The following PPP2R3A variants were observed in gnomAD, a reference collection of about 807,000 sequenced individuals.
PPP2R3A encodes the protein protein phosphatase 2 regulatory subunit B''alpha, also known as serine/threonine-protein phosphatase 2A regulatory subunit B'' subunit alpha.
PPP2R3A carries 80 observed loss-of-function variants against 106.9 expected under a neutral mutation model. The observed-to-expected ratio is 0.75, with a 90% confidence interval of 0.62 to 0.90. The LOEUF (loss-of-function observed/expected upper bound fraction) is 0.90, where lower values mean the gene tolerates loss of function less well. Among genes scored for constraint, PPP2R3A ranks in the 40% least tolerant of loss-of-function variants. PPP2R3A has a pLI of 0.00. For missense variants in PPP2R3A, 1,386 were observed against 1,350.4 expected (o/e 1.03, Z -0.41); for synonymous variants, 483 against 468.3 (o/e 1.03, Z -0.41).
intron 3 of PPP2R3A, among the ~76,000 whole-genome samples, chr3:136,035,082 C>G (rs904942233): frequency 5.3e-5 from 8 of 152,140 alleles, no homozygotes; most frequent in African/African-American, 1.9e-4. Context: ...TTTTCCACTC[C>G]TTTACCTTAA....
At chr3:136,071,026 C>T (rs775052354) in intron 6 of PPP2R3A, among the ~76,000 whole-genome samples, 4 of 152,230 alleles carry the variant, frequency 2.6e-5, no homozygotes, top group Non-Finnish European at 5.9e-5. Flanking sequence ...GAGGAGCTCG[C>T]ACTCCCTGTT....
chr3:136,119,146 G>A (rs1452154247), intron 13 of PPP2R3A, among the ~76,000 whole-genome samples: 1 of 152,212 alleles, frequency 6.6e-6, no homozygotes. Flanking sequence ...AATAAATGGT[G>A]TTGGGAAAAC....
intron 2 of PPP2R3A, among the ~76,000 whole-genome samples, chr3:136,010,718 G>A (rs769062204): frequency 6.6e-6 from 1 of 152,062 alleles, no homozygotes; most frequent in Non-Finnish European, 1.5e-5. Flanking sequence ...GAGCCACCGC[G>A]CCCATCCCCA....
At chr3:136,113,167 C>T (rs113641081) in intron 13 of PPP2R3A, among the ~76,000 whole-genome samples, 6,744 of 144,234 alleles carry the variant, frequency 0.047, 518 homozygotes, top group African/African-American at 0.16. Context: ...GCCAGAGCAA[C>T]CCAAAGCAAA....
At chr3:136,005,750 C>T (rs1933820863) in intron 2 of PPP2R3A, among the ~76,000 whole-genome samples, 1 of 152,086 alleles carries the variant, frequency 6.6e-6, no homozygotes, top group Non-Finnish European at 1.5e-5. Flanking sequence ...GTCATAAGAG[C>T]TACCAGTTAT....
chr3:136,106,469 A>C, intron 13 of PPP2R3A, 147 bp downstream of exon 13: 2 of 664,322 alleles, frequency 3.0e-6, no homozygotes, highest in South Asian at 1.9e-5. Flanking sequence ...TTAAATGATT[A>C]TTTTTTCCAG....
intron 13 of PPP2R3A, among the ~76,000 whole-genome samples, chr3:136,112,455 T>A (rs1937607367): frequency 6.6e-6 from 1 of 152,036 alleles, no homozygotes; most frequent in Non-Finnish European, 1.5e-5. Context: ...GGATACAAAA[T>A]CAGTGTACAA....
intron 2 of PPP2R3A, among the ~76,000 whole-genome samples, chr3:136,022,299 T>C (rs901564124): frequency 6.6e-6 from 1 of 152,150 alleles, no homozygotes; most frequent in Admixed American, 6.6e-5. Flanking sequence ...TTTTCAAATA[T>C]GTTCATCATC....
In PPP2R3A at chr3:136,009,602, A is replaced by AT. The variant is rs1338150636; in HGVS notation, c.1995+6110dup. Among the ~76,000 whole-genome samples the AT allele has an allele frequency of 2.6e-5, 4 of 152,178 alleles. No homozygotes were observed. The East Asian group carries it at 7.8e-4, about 30-fold the overall frequency. ...GTTTTAAGAGTATGGTTCCCAACTAATACTGTTAGCATTACCTGGACACTT... is the reference window on the plus strand; with the variant it reads ...GTTTTAAGAGTATGGTTCCCAACTAATTACTGTTAGCATTACCTGGACACTT... On this transcript the variant is annotated intron_variant, in intron 2 of 13. Transcript: ENST00000264977.
intron 13 of PPP2R3A, among the ~76,000 whole-genome samples, chr3:136,133,419 A>C (rs1938495540): frequency 6.6e-6 from 1 of 152,184 alleles, no homozygotes; most frequent in African/African-American, 2.4e-5. Flanking sequence ...GGAAATTGCA[A>C]ATTAAAACCT....
chr3:136,021,173 T>C (rs1367536980), intron 2 of PPP2R3A, among the ~76,000 whole-genome samples: 1 of 152,050 alleles, frequency 6.6e-6, no homozygotes, highest in Non-Finnish European at 1.5e-5. Flanking sequence ...TGACATTTTA[T>C]TTAGGAGATA....
In PPP2R3A at chr3:136,106,216, G is replaced by A. The variant is rs1937513528; in HGVS notation, c.3223G>A (p.Asp1075Asn). 1 of 1,599,606 alleles carries A rather than the reference G, an allele frequency of 6.3e-7. No individual in the cohort carries two copies. The highest frequency in any genetic ancestry group is 1.1e-5 in the South Asian group (1 of 88,570). ...TCGTGGCTGTCTTCTTTCCAATCAG[G>A]ATGTTGAGAACGATGGGCCTGAGCC... ...EQRDPFAVQK[D>N]VENDGPEPSD... Residue 1075 changes from aspartate to asparagine, a missense_variant and splice_region_variant, in exon 13 of 14, where the codon GAT (aspartate) becomes AAT (asparagine). By Grantham distance (23) the Asp-to-Asn change is conservative. Transcript: ENST00000264977.
intron 10 of PPP2R3A, among the ~76,000 whole-genome samples, chr3:136,098,014 C>T (rs1937256046): frequency 6.6e-6 from 1 of 152,240 alleles, no homozygotes; most frequent in African/African-American, 2.4e-5. Flanking sequence ...TATTACCTCA[C>T]ATTCATTAGG....
chr3:136,023,644 TA>T (rs1409394467), intron 2 of PPP2R3A, among the ~76,000 whole-genome samples: 1 of 152,150 alleles, frequency 6.6e-6, no homozygotes, highest in African/African-American at 2.4e-5. Flanking sequence ...AATGTTTGTT[TA>T]AAAAGTATGT....
chr3:136,065,359 G>T (rs1936233038), intron 5 of PPP2R3A, among the ~76,000 whole-genome samples: 1 of 152,152 alleles, frequency 6.6e-6, no homozygotes, highest in South Asian at 2.1e-4. Context: ...GGAAAGAAGT[G>T]GGGCTAAAGA....
chr3:135,991,252 T>C (rs1175222124), intron 1 of PPP2R3A, among the ~76,000 whole-genome samples: 1 of 152,190 alleles, frequency 6.6e-6, no homozygotes, highest in Non-Finnish European at 1.5e-5. Context: ...CTCAAATGTT[T>C]ATTAAACTGT....
chr3:136,071,671 T>C (rs1936433813), intron 6 of PPP2R3A, among the ~76,000 whole-genome samples: 1 of 152,168 alleles, frequency 6.6e-6, no homozygotes, highest in Non-Finnish European at 1.5e-5. Context: ...ATGTCACTCC[T>C]CTGCTCAAAC....
intron 13 of PPP2R3A, among the ~76,000 whole-genome samples, chr3:136,115,229 G>C (rs540146957): frequency 6.6e-6 from 1 of 151,524 alleles, no homozygotes; most frequent in South Asian, 2.1e-4. Context: ...TCTACTCAGA[G>C]ACCCCATCCA....
rs372030075 is a variant in PPP2R3A at position 136,106,334 on chromosome 3, T to A, written c.3329+12T>A. On this transcript the variant is annotated intron_variant, in intron 13 of 13. Coordinates refer to ENST00000264977, the MANE Select transcript of PPP2R3A (RefSeq NM_002718.5). Reference sequence around the variant, plus strand: ...CAATTCCAGGAAGGGTGAGTAAGTTTCCCTATGTCTTATAGAATTTTTAAC... The same window carrying A: ...CAATTCCAGGAAGGGTGAGTAAGTTACCCTATGTCTTATAGAATTTTTAAC... 1.2e-5 allele frequency: 19 copies of A among 1,606,518 alleles called. No individual in the cohort carries two copies. The African/African-American group carries it at 1.9e-4, about 16-fold the overall frequency.
Sources: gnomAD v4.1 joint callset for allele counts (sites outside exome capture counted in the v4.1 genomes callset) on GRCh38, gnomAD v4.1.1 for gene constraint, MANE v1.5 for transcripts, NCBI Gene and HGNC (gene_info 2026-07-23, HGNC 2026-07-21) for gene names.